Variants in TPRX1 observed in about 807,000 individuals in gnomAD.
TPRX1 encodes the protein tetrapeptide repeat homeobox 1, also known as tetra-peptide repeat homeobox protein 1.
Under a neutral mutation model 8.1 loss-of-function variants are expected in TPRX1, and 2 were observed. That is an observed-to-expected ratio of 0.25 (90% CI 0.10 to 0.78). The LOEUF (loss-of-function observed/expected upper bound fraction) is 0.78. Among genes scored for constraint, TPRX1 ranks in the 30% least tolerant of loss-of-function variants. The probability of loss-of-function intolerance (pLI) is 0.70; values close to 1 mark genes in which losing one functional copy is unlikely to be tolerated. For synonymous variants in TPRX1, 257 were observed against 254.1 expected, an observed-to-expected ratio of 1.01 and a Z score of -0.11; for missense variants, 517 against 586.9, an observed-to-expected ratio of 0.88 and a Z score of 1.23.
At position 47,804,971 on chromosome 19, in the gene TPRX1, C is replaced by T. The variant is rs77600234; in HGVS notation, c.152-1298G>A. Reference sequence around the variant, plus strand: ...AATGCCGGTGAGTCTACCCACTCCTCCTGGCTCCTGGGCTGCCTGCCTTGT... The same window carrying T: ...AATGCCGGTGAGTCTACCCACTCCTTCTGGCTCCTGGGCTGCCTGCCTTGT... On this transcript the variant is annotated intron_variant, in intron 2 of 3. Coordinates refer to ENST00000535759, the Ensembl canonical transcript of TPRX1. 8.9e-4 allele frequency among the ~76,000 whole-genome samples: 135 copies of T among 152,350 alleles called. 3 individuals are homozygous for T. The East Asian group carries it at 0.023, about 26-fold the overall frequency.
At chr19:47,815,158 ATATAT>A (rs1568617441) in intron 2 of TPRX1, among the ~76,000 whole-genome samples, 3 of 88,740 alleles carry the variant, frequency 3.4e-5, no homozygotes, top group African/African-American at 1.4e-4. Flanking sequence ...ATATATATAT[ATATAT>A]TTTTTTTTTT....
chr19:47,812,127 A>G (rs1047693546), intron 2 of TPRX1, among the ~76,000 whole-genome samples: 12 of 151,884 alleles, frequency 7.9e-5, no homozygotes, highest in African/African-American at 2.7e-4. Flanking sequence ...CGGCCTCCCA[A>G]TGTGCTGGGA....
intron 2 of TPRX1, among the ~76,000 whole-genome samples, chr19:47,807,965 G>T (rs1011589616): frequency 6.6e-6 from 1 of 152,046 alleles, no homozygotes; most frequent in African/African-American, 2.4e-5. Context: ...GTCTTGCTCT[G>T]TTGCCCAGAT....
chr19:47,813,173 CA>C (rs1967800832), intron 2 of TPRX1, among the ~76,000 whole-genome samples: 3 of 146,392 alleles, frequency 2.0e-5, no homozygotes, highest in Non-Finnish European at 3.0e-5. Flanking sequence ...CCCACCCCGC[CA>C]AAATTAGCCA....
intron 2 of TPRX1, among the ~76,000 whole-genome samples, chr19:47,814,406 C>A (rs1001428196): frequency 6.6e-6 from 1 of 151,922 alleles, no homozygotes; most frequent in African/African-American, 2.4e-5. Context: ...CGCCTGTAAT[C>A]CCAGCACTTT....
intron 2 of TPRX1, among the ~76,000 whole-genome samples, chr19:47,805,574 T>G (rs1181235076): frequency 1.3e-5 from 2 of 152,184 alleles, no homozygotes; most frequent in Non-Finnish European, 2.9e-5. Context: ...AAATGACTCA[T>G]GCAATCAATT....
rs752459667 is a variant in TPRX1 at position 47,802,306 on chromosome 19, G to T, written c.996C>A (p.Asn332Lys). 5 of 1,313,584 alleles carry T rather than the reference G, an allele frequency of 3.8e-6. No homozygotes were observed. In the Admixed American group the frequency reaches 1.1e-4, roughly 29 times the overall value. The allele number at this position is 1,313,584 out of a possible 1,614,324, so 81.4% of individuals were successfully genotyped here. A position where few individuals can be genotyped will look rare whatever the true frequency, so the allele number is the denominator to read the frequency against. ...AGATTGGGCCTGGGATCGGGCCTGG[G>T]TTCGGGCCTGAGATTGGGCCTGGGA... Residue 332 changes from asparagine to lysine, a missense_variant, in exon 4 of 4, where the codon AAC becomes AAA. Asn to Lys is a moderately conservative substitution (Grantham distance 94). Around this residue, in one of 3 missense-constraint regions of TPRX1, gnomAD observed 506 missense variants for 515.5 expected, o/e 0.98. Coordinates refer to ENST00000535759, the Ensembl canonical transcript of TPRX1.
intron 2 of TPRX1, among the ~76,000 whole-genome samples, chr19:47,815,122 A>ATATATATG (rs71180885): frequency 2.1e-5 from 2 of 93,626 alleles, no homozygotes; most frequent in East Asian, 2.7e-4. Context: ...AATTATATAT[A>ATATATATG]TATATATATA....
chr19:47,813,270 T>C (rs767232711), intron 2 of TPRX1, among the ~76,000 whole-genome samples: 66 of 145,842 alleles, frequency 4.5e-4, no homozygotes, highest in Admixed American at 1.2e-3. Flanking sequence ...GAGGCTGCAA[T>C]GAGCAGTGAT....
chr19:47,801,864 C>A, exon 4 of TPRX1: 1 of 1,613,980 alleles, frequency 6.2e-7, no homozygotes, highest in Non-Finnish European at 8.5e-7. Flanking sequence ...TGTTTTTTGC[C>A]CATAGAGTCA....
intron 2 of TPRX1, among the ~76,000 whole-genome samples, chr19:47,806,587 A>C (rs1047457374): frequency 6.6e-6 from 1 of 152,188 alleles, no homozygotes; most frequent in South Asian, 2.1e-4. Flanking sequence ...ATATATTTAC[A>C]CAATGGGATA....
intron 2 of TPRX1, among the ~76,000 whole-genome samples, chr19:47,807,143 TG>T (rs1160710689): frequency 6.6e-6 from 1 of 152,170 alleles, no homozygotes; most frequent in African/African-American, 2.4e-5. Context: ...TGACCTCAAG[TG>T]ATCCACCCAT....
At chr19:47,806,955 G>A (rs1967740773) in intron 2 of TPRX1, among the ~76,000 whole-genome samples, 1 of 152,040 alleles carries the variant, frequency 6.6e-6, no homozygotes, top group South Asian at 2.1e-4. Flanking sequence ...AGGCTGGAGT[G>A]CAGTAGTGGT....
At chr19:47,802,848 G>T in exon 4 of TPRX1, 1 of 1,601,578 alleles carries the variant, frequency 6.2e-7, no homozygotes, top group Non-Finnish European at 8.5e-7. Flanking sequence ...CCCCGCTGAG[G>T]TGCGGAGGCA....
exon 4 of TPRX1, chr19:47,802,536 C>T: frequency 6.5e-7 from 1 of 1,547,722 alleles, no homozygotes; most frequent in African/African-American, 1.4e-5. Context: ...GGGGCTGGGC[C>T]TGAAATTGGG....
intron 2 of TPRX1, among the ~76,000 whole-genome samples, chr19:47,808,175 C>T (rs941464190): frequency 6.6e-5 from 10 of 152,124 alleles, no homozygotes; most frequent in East Asian, 1.9e-4. Flanking sequence ...AGTGCAATGG[C>T]GCGATCTCAG....
chr19:47,802,772 G>A (rs769592547), exon 4 of TPRX1: 1 of 1,606,508 alleles, frequency 6.2e-7, no homozygotes, highest in Non-Finnish European at 8.5e-7. Context: ...TCTGCACCCA[G>A]GGCCACCCCA....
At chr19:47,816,432 G>T (rs1410689435) in intron 2 of TPRX1, among the ~76,000 whole-genome samples, 2 of 144,594 alleles carry the variant, frequency 1.4e-5, no homozygotes, top group African/African-American at 5.2e-5. Flanking sequence ...ATTTTATTTT[G>T]TAGAGATAGG....
At chr19:47,817,338 G>T (rs536338467) in intron 2 of TPRX1, among the ~76,000 whole-genome samples, 1 of 152,202 alleles carries the variant, frequency 6.6e-6, no homozygotes, top group Non-Finnish European at 1.5e-5. Flanking sequence ...CTTTACAGAG[G>T]AGGAAACTGA....
Sources: gnomAD v4.1 joint callset for allele counts (sites outside exome capture counted in the v4.1 genomes callset) on GRCh38, gnomAD v4.1.1 for gene constraint, gnomAD v4.1.1 regional missense constraint, MANE v1.5 for transcripts, NCBI Gene and HGNC (gene_info 2026-07-23, HGNC 2026-07-21) for gene names.